HTR4: variants seen among roughly 807,000 people sequenced by gnomAD.
HTR4 encodes the protein 5-hydroxytryptamine (serotonin) receptor 4, G protein-coupled.
Under a neutral mutation model 36.8 loss-of-function variants are expected in HTR4, and 16 were observed. The observed-to-expected ratio is 0.43, with a 90% CI of 0.29 to 0.66. HTR4 has a LOEUF of 0.66. Among genes scored for constraint, HTR4 ranks in the 30% least tolerant of loss-of-function variants. The pLI is 0.13. For synonymous variants in HTR4, 189 were observed against 185.1 expected, an observed-to-expected ratio of 1.02 and a Z score of -0.17; for missense variants, 438 against 490.9, an observed-to-expected ratio of 0.89 and a Z score of 1.02.
intron 2 of HTR4, among the ~76,000 whole-genome samples, chr5:148,567,735 G>A (rs759783341): frequency 1.3e-5 from 2 of 151,976 alleles, no homozygotes; most frequent in African/African-American, 2.4e-5. Flanking sequence ...CTTCACTTAG[G>A]TCTCTGCTCA....
intron 2 of HTR4, among the ~76,000 whole-genome samples, chr5:148,633,540 C>T (rs1260213024): frequency 4.7e-5 from 7 of 149,140 alleles, no homozygotes; most frequent in Non-Finnish European, 8.9e-5. Flanking sequence ...TCCCCCAACC[C>T]CACAACAGTC....
chr5:148,456,776 A>G (rs1755111693), intron 5 of HTR4, among the ~76,000 whole-genome samples: 1 of 152,246 alleles, frequency 6.6e-6, no homozygotes, highest in South Asian at 2.1e-4. Context: ...TGGCTCTGCC[A>G]TTTACTAATT....
chr5:148,471,664 G>C (rs1382815460), downstream of HTR4, among the ~76,000 whole-genome samples: 4 of 152,188 alleles, frequency 2.6e-5, no homozygotes, highest in Non-Finnish European at 5.9e-5. Context: ...GGAGAACCTA[G>C]TGACTTTATT....
intron 5 of HTR4, among the ~76,000 whole-genome samples, chr5:148,457,186 T>C (rs1445029607): frequency 6.6e-6 from 1 of 152,014 alleles, no homozygotes; most frequent in Non-Finnish European, 1.5e-5. Context: ...CCTGTTCCAT[T>C]TGGTGCGAGA....
intron 1 of HTR4, among the ~76,000 whole-genome samples, chr5:148,646,832 AG>A (rs1753887859): frequency 6.6e-6 from 1 of 152,242 alleles, no homozygotes; most frequent in Non-Finnish European, 1.5e-5. Flanking sequence ...ACTGAGGCAT[AG>A]GAAAGAGGAG....
chr5:148,458,271 G>A (rs1755173055), intron 5 of HTR4, among the ~76,000 whole-genome samples: 1 of 151,296 alleles, frequency 6.6e-6, no homozygotes. Flanking sequence ...TCTGTTAGCT[G>A]GAAACAAAGA....
downstream of HTR4, among the ~76,000 whole-genome samples, chr5:148,474,399 A>G (rs1755645380): frequency 6.6e-6 from 1 of 152,084 alleles, no homozygotes. Flanking sequence ...ATGGGTCCCT[A>G]TTTGTACCCT....
At chr5:148,613,871 T>C (rs1490531519) in intron 2 of HTR4, among the ~76,000 whole-genome samples, 3 of 152,130 alleles carry the variant, frequency 2.0e-5, no homozygotes, top group African/African-American at 7.2e-5. Flanking sequence ...ATCACAAGCA[T>C]TCCTATATAC....
downstream of HTR4, among the ~76,000 whole-genome samples, chr5:148,474,741 T>A (rs1180891022): frequency 2.6e-5 from 4 of 152,180 alleles, no homozygotes; most frequent in Non-Finnish European, 4.4e-5. Context: ...ATTCTCAACA[T>A]AGACAGATCT....
chr5:148,495,425 A>G (rs1756641237), intron 6 of HTR4, among the ~76,000 whole-genome samples: 1 of 152,140 alleles, frequency 6.6e-6, no homozygotes, highest in African/African-American at 2.4e-5. Flanking sequence ...TGAACTAATA[A>G]TCATGGAGAC....
At chr5:148,598,749 G>C (rs570568505) in intron 2 of HTR4, among the ~76,000 whole-genome samples, 13 of 152,094 alleles carry the variant, frequency 8.5e-5, no homozygotes, top group Non-Finnish European at 1.6e-4. Flanking sequence ...CTACTTTTTA[G>C]TATTGTGTCA....
intron 2 of HTR4, among the ~76,000 whole-genome samples, chr5:148,553,193 G>T (rs17108392): frequency 0.012 from 1,809 of 152,210 alleles, 43 homozygotes; most frequent in African/African-American, 0.041. Context: ...TAAGGTGTCA[G>T]CTGATAGTAC....
At chr5:148,558,079 C>T (rs1338989066) in intron 2 of HTR4, among the ~76,000 whole-genome samples, 1 of 151,890 alleles carries the variant, frequency 6.6e-6, no homozygotes, top group Non-Finnish European at 1.5e-5. Context: ...TACTCCCTAT[C>T]TAAGTATTTT....
At chr5:148,593,348 G>A (rs1193090215) in intron 2 of HTR4, among the ~76,000 whole-genome samples, 2 of 152,214 alleles carry the variant, frequency 1.3e-5, no homozygotes, top group Non-Finnish European at 2.9e-5. Flanking sequence ...GTATAAATTT[G>A]AACCACACAT....
chr5:148,643,315 G>A (rs1199565172), intron 1 of HTR4, among the ~76,000 whole-genome samples: 2 of 152,080 alleles, frequency 1.3e-5, no homozygotes, highest in Non-Finnish European at 2.9e-5. Flanking sequence ...GCATACCCAA[G>A]CAACCTTTTG....
intron 2 of HTR4, among the ~76,000 whole-genome samples, chr5:148,623,864 A>C (rs1007212589): frequency 1.3e-5 from 2 of 152,260 alleles, no homozygotes; most frequent in African/African-American, 4.8e-5. Flanking sequence ...GAGATGAGAA[A>C]GAATTCCTAG....
chr5:148,505,811 C>T (rs1285076709), intron 6 of HTR4, among the ~76,000 whole-genome samples: 5 of 152,014 alleles, frequency 3.3e-5, no homozygotes, highest in Admixed American at 6.6e-5. Context: ...GAATCCAACT[C>T]ACAAGGGATG....
chr5:148,512,072 G>T (rs555178188), intron 5 of HTR4, among the ~76,000 whole-genome samples: 2 of 152,126 alleles, frequency 1.3e-5, no homozygotes, highest in Non-Finnish European at 2.9e-5. Flanking sequence ...TAGCACTCTG[G>T]TTCCTTCAAT....
intron 6 of HTR4, among the ~76,000 whole-genome samples, chr5:148,494,419 T>A (rs1322017285): frequency 2.1e-4 from 32 of 152,218 alleles, no homozygotes; most frequent in Admixed American, 2.0e-3. Context: ...CAAGGGGCTG[T>A]AACCCGGATT....
Sources: allele counts gnomAD v4.1 joint callset (sites outside exome capture counted in the v4.1 genomes callset), GRCh38; gene constraint gnomAD v4.1.1; transcripts MANE v1.5; gene names NCBI Gene and HGNC (gene_info 2026-07-23, HGNC 2026-07-21).